The following E2F5 variants were observed in gnomAD, a reference collection of about 807,000 sequenced individuals.
E2F5 encodes E2F transcription factor 5.
A neutral mutation model predicts 39.1 loss-of-function variants in E2F5; 23 were observed. That is an observed-to-expected ratio of 0.59 (90% CI 0.42 to 0.83). E2F5 has a LOEUF of 0.83. Ranked by LOEUF, E2F5 falls within the 40% of genes least tolerant of loss-of-function variation. The pLI is 0.00. For missense variants in E2F5, 365 were observed against 406.7 expected, an observed-to-expected ratio of 0.90 and a Z score of 0.88; for synonymous variants, 145 against 157.8, an observed-to-expected ratio of 0.92 and a Z score of 0.61.
chr8:85,197,116 T>C (rs917398712), intron 1 of E2F5, among the ~76,000 whole-genome samples: 7 of 152,238 alleles, frequency 4.6e-5, no homozygotes, highest in African/African-American at 1.7e-4. Flanking sequence ...TCTGGCCTGC[T>C]TCATCATAGT....
At chr8:85,192,520 C>G (rs1219005667) in intron 1 of E2F5, among the ~76,000 whole-genome samples, 1 of 152,114 alleles carries the variant, frequency 6.6e-6, no homozygotes, top group Non-Finnish European at 1.5e-5. Context: ...AGAGAAAAGT[C>G]TGAGGGTATG....
chr8:85,181,503 T>G (rs1021527386), intron 1 of E2F5, among the ~76,000 whole-genome samples: 1 of 131,340 alleles, frequency 7.6e-6, no homozygotes, highest in African/African-American at 3.0e-5. Flanking sequence ...GCTAGTTTTG[T>G]TTTTTTTTTT....
intron 1 of E2F5, among the ~76,000 whole-genome samples, chr8:85,199,945 T>G (rs1336926738): frequency 1.3e-5 from 2 of 152,144 alleles, no homozygotes; most frequent in African/African-American, 4.8e-5. Flanking sequence ...GCTTCAGAAC[T>G]TCTTAAGAAT....
At position 85,213,831 on chromosome 8, in the gene E2F5, ATC is replaced by A; in HGVS notation, c.1012_1013del (p.Leu338ValfsTer2). On this transcript the variant is annotated frameshift_variant, in exon 8 of 8. Coordinates refer to ENST00000416274, the MANE Select transcript of E2F5 (RefSeq NM_001951.4). LOFTEE classifies it high-confidence loss of function. ...TTAGATGATAACGAAGGAGTTTGTGATCTGTTTGATGTCCAGATACTAAATTA... is the reference window on the plus strand; with the variant it reads ...TTAGATGATAACGAAGGAGTTTGTGATGTTTGATGTCCAGATACTAAATTA... 1 of 1,611,652 alleles carries A rather than the reference ATC, an allele frequency of 6.2e-7. No individual in the cohort carries two copies. Among genetic ancestry groups the A allele is most frequent in the Non-Finnish European group, 8.5e-7 (1 of 1,178,038 alleles).
Position 85,209,355 on chromosome 8 carries a change from G to T in E2F5, c.829G>T (p.Val277Phe). 6.2e-7 allele frequency: 1 copy of T among 1,613,882 alleles called. No homozygotes were observed. The highest frequency in any genetic ancestry group is 8.5e-7 in the Non-Finnish European group (1 of 1,179,830). ...MATQNLPEQHVSERSQALQQT... is the reference protein window; with the variant it reads ...MATQNLPEQHFSERSQALQQT... ...AACTCAAAATCTGCCTGAGCAACATGTCTCTGAAAGAAGCCAGGCTCTGCA... is the reference window on the plus strand; with the variant it reads ...AACTCAAAATCTGCCTGAGCAACATTTCTCTGAAAGAAGCCAGGCTCTGCA... The change falls in exon 6 of 8, where the codon GTC becomes TTC. Residue 277 changes from valine to phenylalanine, a missense_variant. Coordinates refer to ENST00000416274, the MANE Select transcript of E2F5 (RefSeq NM_001951.4).
At chr8:85,202,331 G>A in intron 2 of E2F5, 75 bp downstream of exon 2, 1 of 1,074,744 alleles carries the variant, frequency 9.3e-7, no homozygotes, top group Non-Finnish European at 1.3e-6. Context: ...CCTTCCCAAT[G>A]TTTCTATCTC....
intron 4 of E2F5, 125 bp downstream of exon 4, chr8:85,206,345 C>T (rs1434594696): frequency 1.1e-6 from 1 of 903,428 alleles, no homozygotes; most frequent in Non-Finnish European, 1.7e-6. Flanking sequence ...TGTCTCACTC[C>T]ACCATGCCGT....
At chr8:85,207,845 G>A (rs1026320858) in intron 5 of E2F5, among the ~76,000 whole-genome samples, 3 of 152,138 alleles carry the variant, frequency 2.0e-5, no homozygotes, top group Non-Finnish European at 4.4e-5. Flanking sequence ...TGTGAATAAG[G>A]TGTGTATGAA....
At chr8:85,187,576 A>T (rs1812369827) in intron 1 of E2F5, 1 of 152,078 alleles carries the variant, frequency 6.6e-6, no homozygotes, top group South Asian at 2.1e-4. Flanking sequence ...TTTGACTTAA[A>T]ATCTATTTAA....
chr8:85,179,578 A>G (rs1322969572), intron 1 of E2F5, among the ~76,000 whole-genome samples: 10 of 151,472 alleles, frequency 6.6e-5, no homozygotes, highest in African/African-American at 2.4e-4. Flanking sequence ...TTTAGTTTTC[A>G]TATATATGTA....
At chr8:85,179,862 G>A (rs1446093546) in intron 1 of E2F5, among the ~76,000 whole-genome samples, 24 of 152,138 alleles carry the variant, frequency 1.6e-4, no homozygotes, top group South Asian at 6.2e-4. Flanking sequence ...GGGTTTCACT[G>A]TGTTAGCTAG....
At chr8:85,178,819 AG>A (rs1812142302) in intron 1 of E2F5, among the ~76,000 whole-genome samples, 1 of 152,210 alleles carries the variant, frequency 6.6e-6, no homozygotes, top group African/African-American at 2.4e-5. Flanking sequence ...CCCAAGGGGA[AG>A]TAGATCTTTT....
chr8:85,184,222 C>T (rs7829601), intron 1 of E2F5, among the ~76,000 whole-genome samples: 339 of 152,260 alleles, frequency 2.2e-3, no homozygotes, highest in Non-Finnish European at 3.3e-3. Context: ...GTTCAACATA[C>T]GCAAATCAAT....
intron 1 of E2F5, among the ~76,000 whole-genome samples, chr8:85,183,108 C>T (rs368722617): frequency 3.9e-5 from 6 of 151,998 alleles, no homozygotes; most frequent in East Asian, 1.9e-4. Context: ...AAAAATTAGC[C>T]GGGTGTGATG....
At chr8:85,191,620 T>C (rs1812467414) in intron 1 of E2F5, among the ~76,000 whole-genome samples, 1 of 152,214 alleles carries the variant, frequency 6.6e-6, no homozygotes, top group Non-Finnish European at 1.5e-5. Context: ...TTTGTGACAG[T>C]TAGCAATGGA....
At chr8:85,210,409 G>A (rs1469331237) in intron 6 of E2F5, among the ~76,000 whole-genome samples, 2 of 152,088 alleles carry the variant, frequency 1.3e-5, no homozygotes, top group African/African-American at 2.4e-5. Context: ...TGGGCGTGGT[G>A]GCTCACAACT....
chr8:85,207,599 G>A, intron 5 of E2F5, 110 bp downstream of exon 5: 1 of 820,470 alleles, frequency 1.2e-6, no homozygotes, highest in Non-Finnish European at 1.8e-6. Flanking sequence ...CTGTGAGTTA[G>A]TCAAGTTTTT....
At chr8:85,209,109 T>G in intron 5 of E2F5, 33 bp from the exon 6 acceptor site, 1 of 1,593,648 alleles carries the variant, frequency 6.3e-7, no homozygotes, top group South Asian at 1.1e-5. Context: ...ATGTTAATAA[T>G]TATACATTTG....
chr8:85,182,524 G>A (rs1812242745), intron 1 of E2F5, among the ~76,000 whole-genome samples: 1 of 152,204 alleles, frequency 6.6e-6, no homozygotes, highest in Non-Finnish European at 1.5e-5. Flanking sequence ...ATGGAAAAAT[G>A]CATGATTATT....
Sources: gnomAD v4.1 joint callset for allele counts (sites outside exome capture counted in the v4.1 genomes callset) on GRCh38, gnomAD v4.1.1 for gene constraint, MANE v1.5 for transcripts, NCBI Gene and HGNC (gene_info 2026-07-23, HGNC 2026-07-21) for gene names.